The following CNTN4 variants were observed in gnomAD, a reference collection of about 807,000 sequenced individuals.
CNTN4 encodes the protein contactin 4.
Under a neutral mutation model 122.5 loss-of-function variants are expected in CNTN4, and 77 were observed. The ratio of observed to expected loss-of-function variants is 0.63; its 90% CI spans 0.52 to 0.76. The LOEUF (loss-of-function observed/expected upper bound fraction) is 0.76. Ranked by LOEUF, CNTN4 falls within the 30% of genes least tolerant of loss-of-function variation. The pLI is 0.00. For missense variants in CNTN4, 1,256 were observed against 1,259.1 expected, an observed-to-expected ratio of 1.00 and a Z score of 0.04; for synonymous variants, 512 against 447.0, an observed-to-expected ratio of 1.15 and a Z score of -1.83.
intron 2 of CNTN4, among the ~76,000 whole-genome samples, chr3:2,231,477 A>G (rs2039485815): frequency 3.3e-5 from 5 of 152,226 alleles, no homozygotes; most frequent in Admixed American, 2.0e-4. Flanking sequence ...CTGATATTCA[A>G]TCATCTGATA....
chr3:2,476,922 A>G (rs1262742020), intron 3 of CNTN4, among the ~76,000 whole-genome samples: 1 of 152,104 alleles, frequency 6.6e-6, no homozygotes, highest in Admixed American at 6.6e-5. Flanking sequence ...GGGATGTGCT[A>G]TAGGACCCTG....
intron 2 of CNTN4, among the ~76,000 whole-genome samples, chr3:2,265,408 C>T (rs2041002822): frequency 6.6e-6 from 1 of 151,918 alleles, no homozygotes. Context: ...TGTTTTGTTC[C>T]ATTGGTCCAT....
chr3:2,729,379 A>ACTGTGAAACC (rs2088489472), intron 4 of CNTN4, among the ~76,000 whole-genome samples: 1 of 148,988 alleles, frequency 6.7e-6, no homozygotes, highest in African/African-American at 2.6e-5. Context: ...CCCGGCTAAC[A>ACTGTGAAACC]CAAAATTAAC....
At chr3:2,390,215 AGT>A (rs142190283) in intron 3 of CNTN4, among the ~76,000 whole-genome samples, 4,173 of 144,618 alleles carry the variant, frequency 0.029, 80 homozygotes, top group Admixed American at 0.07. Flanking sequence ...AGGAAAAAAG[AGT>A]GTGTGTGTGT....
At chr3:2,859,642 A>T (rs2093652971) in intron 7 of CNTN4, among the ~76,000 whole-genome samples, 1 of 152,028 alleles carries the variant, frequency 6.6e-6, no homozygotes, top group African/African-American at 2.4e-5. Flanking sequence ...CAGTTCTGAG[A>T]GCAGAGGAGA....
At chr3:2,781,282 G>T (rs927438294) in intron 6 of CNTN4, among the ~76,000 whole-genome samples, 2 of 152,090 alleles carry the variant, frequency 1.3e-5, no homozygotes, top group Non-Finnish European at 2.9e-5. Context: ...GGAGAAAATA[G>T]TTGGCCATCT....
Position 2,367,903 on chromosome 3 carries a change from C to G in CNTN4, c.-89+28670C>G, listed in dbSNP as rs1047802825. Among the ~76,000 whole-genome samples the G allele has an allele frequency of 3.3e-5, 5 of 152,220 alleles. No homozygotes were observed. The South Asian group carries it at 1.0e-3, about 32-fold the overall frequency. ...CTACTGAGTGTCATTAGATTGGCCT[C>G]AGGATCCGTAAGTACTATTATTTTT... is the stretch of plus-strand genomic sequence containing the variant. On this transcript the variant is annotated intron_variant, in intron 3 of 24. Transcript: ENST00000418658.
intron 2 of CNTN4, among the ~76,000 whole-genome samples, chr3:2,293,058 G>T (rs149037057): frequency 6.6e-6 from 1 of 152,186 alleles, no homozygotes; most frequent in African/African-American, 2.4e-5. Context: ...ACTAACATGC[G>T]TATTGTTATT....
At chr3:2,720,825 C>G (rs1195058625) in intron 4 of CNTN4, among the ~76,000 whole-genome samples, 2 of 152,180 alleles carry the variant, frequency 1.3e-5, no homozygotes, top group Non-Finnish European at 2.9e-5. Flanking sequence ...CACTTACATC[C>G]TATAAACTGG....
intron 4 of CNTN4, among the ~76,000 whole-genome samples, chr3:2,715,719 C>G (rs1271651833): frequency 6.6e-6 from 1 of 152,194 alleles, no homozygotes; most frequent in African/African-American, 2.4e-5. Context: ...TGCTGACTTG[C>G]AGACAGATGC....
rs150447260 is a variant in CNTN4 at position 2,430,742 on chromosome 3, G to A, written c.-89+91509G>A. Reference sequence around the variant, plus strand: ...ATATCCTAATCAGTTTTTGGAAAAGGCTAAGTATACCTATATTATTCTACA... The same window carrying A: ...ATATCCTAATCAGTTTTTGGAAAAGACTAAGTATACCTATATTATTCTACA... On this transcript the variant is annotated intron_variant, in intron 3 of 24. Transcript: ENST00000418658. Among the ~76,000 whole-genome samples, 526 of 152,058 alleles carry A rather than the reference G, an allele frequency of 3.5e-3. 13 individuals carry two copies. Among genetic ancestry groups the A allele is most frequent in the Admixed American group, 0.031 (468 of 15,272 alleles).
At chr3:2,480,746 T>C (rs774381835) in intron 3 of CNTN4, among the ~76,000 whole-genome samples, 1 of 152,230 alleles carries the variant, frequency 6.6e-6, no homozygotes, top group Non-Finnish European at 1.5e-5. Flanking sequence ...TGTGGATATG[T>C]ACTTATTGAG....
intron 4 of CNTN4, among the ~76,000 whole-genome samples, chr3:2,592,066 A>T (rs746163738): frequency 1.3e-5 from 2 of 152,000 alleles, no homozygotes; most frequent in Admixed American, 6.6e-5. Context: ...TTTTTTGTAC[A>T]GATGAGGTTT....
At chr3:2,628,757 A>G (rs1379624094) in intron 4 of CNTN4, among the ~76,000 whole-genome samples, 1 of 152,256 alleles carries the variant, frequency 6.6e-6, no homozygotes, top group Non-Finnish European at 1.5e-5. Context: ...CCATACTGAA[A>G]GAAATGTAGT....
intron 6 of CNTN4, among the ~76,000 whole-genome samples, chr3:2,778,438 C>G (rs2091437671): frequency 7.0e-6 from 1 of 142,848 alleles, no homozygotes; most frequent in Non-Finnish European, 1.6e-5. Flanking sequence ...AAGTTCTCAC[C>G]AGAAAATCAC....
intron 13 of CNTN4, among the ~76,000 whole-genome samples, chr3:2,936,735 C>T (rs1462033499): frequency 1.3e-5 from 2 of 152,230 alleles, no homozygotes; most frequent in African/African-American, 2.4e-5. Context: ...CCACATCCAA[C>T]CCTCCACCTG....
At chr3:2,971,168 A>C (rs1378259352) in intron 13 of CNTN4, among the ~76,000 whole-genome samples, 1 of 152,210 alleles carries the variant, frequency 6.6e-6, no homozygotes, top group Non-Finnish European at 1.5e-5. Context: ...ACTGTTTATT[A>C]AGTGGAAGTG....
intron 3 of CNTN4, among the ~76,000 whole-genome samples, chr3:2,466,946 T>TTTTCTTTC (rs902151070): frequency 7.9e-4 from 118 of 148,610 alleles, no homozygotes; most frequent in African/African-American, 2.9e-3. Context: ...AAATTAGTTT[T>TTTTCTTTC]TTTCTTTCTT....
chr3:2,698,488 C>G (rs1455699016), intron 4 of CNTN4, among the ~76,000 whole-genome samples: 1 of 152,076 alleles, frequency 6.6e-6, no homozygotes, highest in Non-Finnish European at 1.5e-5. Flanking sequence ...AGGCACTGAG[C>G]CTTGTACTTA....
Sources: allele counts gnomAD v4.1 joint callset (sites outside exome capture counted in the v4.1 genomes callset), GRCh38; gene constraint gnomAD v4.1.1; transcripts MANE v1.5; gene names NCBI Gene and HGNC (gene_info 2026-07-23, HGNC 2026-07-21).